COL5A2: variants seen among roughly 807,000 people sequenced by gnomAD.
The protein encoded by COL5A2 is collagen type V alpha 2 chain.
A neutral mutation model predicts 208.2 loss-of-function variants in COL5A2; 23 were observed. The ratio of observed to expected loss-of-function variants is 0.11; its 90% CI spans 0.08 to 0.16. COL5A2 has a LOEUF of 0.16. Ranked by LOEUF, COL5A2 falls within the 10% of genes least tolerant of loss-of-function variation. The probability of loss-of-function intolerance (pLI) is 1.00; values close to 1 mark genes in which losing one functional copy is unlikely to be tolerated. For missense variants in COL5A2, 1,590 were observed against 1,956.4 expected (o/e 0.81, Z 3.53); for synonymous variants, 625 against 628.5 (o/e 0.99, Z 0.08).
Position 189,089,534 on chromosome 2 carries a change from T to C in COL5A2, c.568-762A>G, listed in dbSNP as rs567795013. 5.3e-5 allele frequency among the ~76,000 whole-genome samples: 8 copies of C among 152,318 alleles called. No individual in the cohort carries two copies. The South Asian group carries it at 1.2e-3, about 24-fold the overall frequency. On this transcript the variant is annotated intron_variant, in intron 7 of 53. Coordinates refer to ENST00000374866, the MANE Select transcript of COL5A2 (RefSeq NM_000393.5). ...GCAAAAATCATATTCAGGCTTCATA[T>C]GTTTCCTTGTTAAGGTCTCAATCTA... is the stretch of plus-strand genomic sequence containing the variant.
chr2:189,283,276 G>A, the COL5A2 span, among the ~76,000 whole-genome samples: 1 of 151,746 alleles, frequency 6.6e-6, no homozygotes, highest in South Asian at 2.1e-4. Flanking sequence ...AAGAGAAAAG[G>A]AACCAGGGAA....
the COL5A2 span, among the ~76,000 whole-genome samples, chr2:189,272,365 C>G: frequency 6.6e-6 from 1 of 152,008 alleles, no homozygotes; most frequent in Non-Finnish European, 1.5e-5. Flanking sequence ...TTTGCAGGGC[C>G]ATGAATGAAG....
chr2:189,360,717 C>T, the COL5A2 span, among the ~76,000 whole-genome samples: 2 of 152,116 alleles, frequency 1.3e-5, no homozygotes, highest in Non-Finnish European at 2.9e-5. Context: ...ACCTATCCAT[C>T]ATCTAAATAT....
At chr2:189,097,094 TA>T in intron 6 of COL5A2, among the ~76,000 whole-genome samples, 182 bp downstream of exon 6, 1 of 152,338 alleles carries the variant, frequency 6.6e-6, no homozygotes, top group South Asian at 2.1e-4. Flanking sequence ...TTTGACCTCA[TA>T]AGGGACAAGG....
chr2:189,239,493 C>T, the COL5A2 span, among the ~76,000 whole-genome samples: 1 of 151,444 alleles, frequency 6.6e-6, no homozygotes, highest in Admixed American at 6.6e-5. Flanking sequence ...TCAGAGAGTG[C>T]GATCTGAAAA....
chr2:189,330,174 C>G, the COL5A2 span, among the ~76,000 whole-genome samples: 1 of 152,036 alleles, frequency 6.6e-6, no homozygotes, highest in African/African-American at 2.4e-5. Context: ...AGGGGCAGGG[C>G]AGGAGGTCTG....
At chr2:189,155,044 A>G (rs796449054) in intron 1 of COL5A2, among the ~76,000 whole-genome samples, 24 of 152,228 alleles carry the variant, frequency 1.6e-4, no homozygotes, top group African/African-American at 5.5e-4. Flanking sequence ...CAGTGGCACA[A>G]TCAGAGCTCA....
chr2:189,065,844 G>A (rs1330502201), intron 23 of COL5A2, among the ~76,000 whole-genome samples: 1 of 152,064 alleles, frequency 6.6e-6, no homozygotes, highest in African/African-American at 2.4e-5. Flanking sequence ...TTTTTCCTCT[G>A]CTAAGAATGT....
chr2:189,090,777 T>C (rs2105663937), intron 7 of COL5A2, among the ~76,000 whole-genome samples: 1 of 152,342 alleles, frequency 6.6e-6, no homozygotes, highest in Non-Finnish European at 1.5e-5. Context: ...TTACAGCCTT[T>C]ACAGCATTGT....
intron 40 of COL5A2, 39 bp downstream of exon 40, chr2:189,052,710 T>C (rs1172082089): frequency 1.9e-6 from 3 of 1,589,746 alleles, no homozygotes; most frequent in East Asian, 2.2e-5. Flanking sequence ...GTAACTAGAA[T>C]TAGCTGTGCA....
the COL5A2 span, among the ~76,000 whole-genome samples, chr2:189,404,411 C>A: frequency 6.6e-6 from 1 of 152,140 alleles, no homozygotes; most frequent in Non-Finnish European, 1.5e-5. Flanking sequence ...GTGTTTTGAG[C>A]CTTTGGATCC....
intron 7 of COL5A2, among the ~76,000 whole-genome samples, chr2:189,091,058 G>T (rs1686773762): frequency 6.6e-6 from 1 of 152,136 alleles, no homozygotes; most frequent in Non-Finnish European, 1.5e-5. Flanking sequence ...TATCATTCTA[G>T]GTGCCATTAA....
In COL5A2 at chr2:189,033,073, G is replaced by A. The variant is rs1685369118; in HGVS notation, c.*997C>T. On this transcript the variant is annotated 3_prime_UTR_variant, in exon 54 of 54. Coordinates refer to ENST00000374866, the MANE Select transcript of COL5A2 (RefSeq NM_000393.5). ...TCCTATGAAAGTTCAAAGGCCAAAT[G>A]GTCTAATTCCAATCATCACATTTGA... 1 of 152,482 alleles carries A rather than the reference G, an allele frequency of 6.6e-6. No homozygotes were observed. Among genetic ancestry groups the A allele is most frequent in the South Asian group, 2.1e-4 (1 of 4,820 alleles). 9.4% of individuals were successfully genotyped at this position (152,482 alleles called of 1,614,324 possible). A position where few individuals can be genotyped will look rare whatever the true frequency, so the allele number is the denominator to read the frequency against.
the COL5A2 span, among the ~76,000 whole-genome samples, chr2:189,414,965 A>C: frequency 6.6e-6 from 1 of 152,118 alleles, no homozygotes; most frequent in Non-Finnish European, 1.5e-5. Context: ...AATAGGTGTG[A>C]ACAAAAACAA....
At chr2:189,036,224 T>C (rs1430671551) in intron 52 of COL5A2, among the ~76,000 whole-genome samples, 1 of 152,046 alleles carries the variant, frequency 6.6e-6, no homozygotes, top group African/African-American at 2.4e-5. Context: ...GGCCCCAAAG[T>C]CAGTACAAGA....
intron 1 of COL5A2, among the ~76,000 whole-genome samples, chr2:189,135,638 T>C (rs1390329761): frequency 1.3e-5 from 2 of 152,176 alleles, no homozygotes; most frequent in Admixed American, 6.5e-5. Context: ...TATCTACACA[T>C]TTAGGAAATC....
intron 2 of COL5A2, among the ~76,000 whole-genome samples, chr2:189,107,821 A>G (rs1687180447): frequency 6.6e-6 from 1 of 151,690 alleles, no homozygotes; most frequent in South Asian, 2.1e-4. Flanking sequence ...CTTTTACATT[A>G]CTCATAGATC....
At chr2:189,435,226 G>C in the COL5A2 span, among the ~76,000 whole-genome samples, 1 of 152,112 alleles carries the variant, frequency 6.6e-6, no homozygotes, top group African/African-American at 2.4e-5. Flanking sequence ...AAAAACCCTA[G>C]AAGAAAACCT....
At chr2:189,257,810 T>C in the COL5A2 span, among the ~76,000 whole-genome samples, 1 of 152,146 alleles carries the variant, frequency 6.6e-6, no homozygotes, top group African/African-American at 2.4e-5. Context: ...TATACAATAC[T>C]ACCTCTTATT....
Sources: allele counts gnomAD v4.1 joint callset (sites outside exome capture counted in the v4.1 genomes callset), GRCh38; gene constraint gnomAD v4.1.1; transcripts MANE v1.5; gene names NCBI Gene and HGNC (gene_info 2026-07-23, HGNC 2026-07-21).